Variants in NCKAP5 observed in about 807,000 individuals in gnomAD.
NCKAP5 encodes NCK associated protein 5.
NCKAP5 carries 92 observed loss-of-function variants against 167.0 expected under a neutral mutation model. That is an observed-to-expected ratio of 0.55 (90% confidence interval 0.47 to 0.66). The LOEUF is 0.66. NCKAP5 is among the 30% of genes least tolerant of loss of function. NCKAP5 has a pLI of 0.00. For synonymous variants in NCKAP5, 891 were observed against 877.4 expected (o/e 1.02, Z -0.27); for missense variants, 2,378 against 2,315.0 (o/e 1.03, Z -0.56).
chr2:133,495,703 G>A (rs77638066), intron 3 of NCKAP5, among the ~76,000 whole-genome samples: 2,651 of 152,266 alleles, frequency 0.017, 94 homozygotes, highest in African/African-American at 0.06. Context: ...GAGGGGGAAG[G>A]TGGAAGATTA....
intron 3 of NCKAP5, among the ~76,000 whole-genome samples, chr2:133,369,186 A>T (rs1685641410): frequency 6.6e-6 from 1 of 152,222 alleles, no homozygotes; most frequent in Non-Finnish European, 1.5e-5. Context: ...GGTGGGACAA[A>T]GGCACTTAAA....
chr2:133,350,770 C>T (rs1684306009), intron 3 of NCKAP5, among the ~76,000 whole-genome samples: 1 of 152,126 alleles, frequency 6.6e-6, no homozygotes, highest in South Asian at 2.1e-4. Flanking sequence ...CCCTGTGACA[C>T]AGACCCCCTT....
intron 7 of NCKAP5, among the ~76,000 whole-genome samples, chr2:132,992,155 A>C (rs750328122): frequency 3.3e-4 from 50 of 152,210 alleles, no homozygotes; most frequent in Non-Finnish European, 1.6e-4. Flanking sequence ...CCTGAGGCCA[A>C]TTAAAGGAAT....
Position 132,964,610 on chromosome 2 carries a change from A to T in NCKAP5, c.430-741T>A, listed in dbSNP as rs942145237. 3.3e-5 allele frequency among the ~76,000 whole-genome samples: 5 copies of T among 152,172 alleles called. No homozygotes were observed. The East Asian group carries it at 9.6e-4, about 29-fold the overall frequency. ...AGTATCAAGAGATTACCATATTAAA[A>T]AAAAAAGGATCCATTTTGTGCATGG... On this transcript the variant is annotated intron_variant, in intron 7 of 19. Coordinates refer to ENST00000409261, the MANE Select transcript of NCKAP5 (RefSeq NM_207363.3).
the NCKAP5 span, among the ~76,000 whole-genome samples, chr2:133,610,161 C>G: frequency 1.9e-4 from 29 of 152,094 alleles, no homozygotes; most frequent in African/African-American, 6.5e-4. Flanking sequence ...CATCTTTTTC[C>G]TCCTTAATAC....
At chr2:133,630,930 GA>G in the NCKAP5 span, among the ~76,000 whole-genome samples, 3 of 152,102 alleles carry the variant, frequency 2.0e-5, no homozygotes, top group Non-Finnish European at 4.4e-5. Flanking sequence ...GCTGAATTAT[GA>G]AAATGATCAT....
chr2:133,033,455 A>C (rs2078945349), intron 6 of NCKAP5, among the ~76,000 whole-genome samples: 1 of 152,158 alleles, frequency 6.6e-6, no homozygotes, highest in Non-Finnish European at 1.5e-5. Context: ...TCAGACATCA[A>C]AGAACACCTA....
intron 2 of NCKAP5, among the ~76,000 whole-genome samples, chr2:133,529,591 G>A (rs933529074): frequency 5.3e-5 from 8 of 152,190 alleles, no homozygotes; most frequent in Admixed American, 1.3e-4. Context: ...GATCTCAAAA[G>A]ATGGAATTAT....
intron 6 of NCKAP5, among the ~76,000 whole-genome samples, chr2:133,124,492 T>C (rs2082341524): frequency 6.6e-6 from 1 of 152,216 alleles, no homozygotes; most frequent in South Asian, 2.1e-4. Context: ...ATAAAATGTG[T>C]AGTATTACTG....
intron 5 of NCKAP5, among the ~76,000 whole-genome samples, chr2:133,135,177 A>G (rs2082744966): frequency 6.6e-6 from 1 of 152,226 alleles, no homozygotes; most frequent in African/African-American, 2.4e-5. Context: ...AAAGTGACGG[A>G]AACTGATTTT....
intron 11 of NCKAP5, among the ~76,000 whole-genome samples, chr2:132,803,243 G>A (rs1267936242): frequency 1.3e-5 from 2 of 152,156 alleles, no homozygotes; most frequent in East Asian, 1.9e-4. Flanking sequence ...TCACTTCAGT[G>A]TCTGAAATTT....
At chr2:133,314,806 G>C (rs1358444077) in intron 3 of NCKAP5, among the ~76,000 whole-genome samples, 1 of 152,154 alleles carries the variant, frequency 6.6e-6, no homozygotes, top group Non-Finnish European at 1.5e-5. Flanking sequence ...AAGTAGAGGG[G>C]TGGCATCAAC....
intron 10 of NCKAP5, among the ~76,000 whole-genome samples, chr2:132,867,180 C>T (rs1373421810): frequency 6.6e-6 from 1 of 151,840 alleles, no homozygotes; most frequent in Non-Finnish European, 1.5e-5. Flanking sequence ...TACCAAATGG[C>T]TTCCTTGTCT....
At chr2:133,171,299 C>A (rs2084239739) in intron 5 of NCKAP5, among the ~76,000 whole-genome samples, 1 of 152,172 alleles carries the variant, frequency 6.6e-6, no homozygotes, top group African/African-American at 2.4e-5. Flanking sequence ...TTTAATCCAG[C>A]AGAAATGTGA....
rs753115314 is a variant in NCKAP5 at position 132,782,036 on chromosome 2, TGTG to T, written c.4772_4774del (p.Pro1591del). The stretch of plus-strand genomic sequence containing the variant: ...AATCTTCAGTTGGTTGTAAATGTCT[TGTG>T]GTGTTCTCCGATTATTTTTGCTTTG... On this transcript the variant is annotated inframe_deletion, in exon 14 of 20. Transcript: ENST00000409261. 3.7e-6 allele frequency: 6 copies of T among 1,614,052 alleles called. No homozygotes were observed. The highest frequency in any genetic ancestry group is 5.1e-6 in the Non-Finnish European group (6 of 1,179,896).
intron 3 of NCKAP5, among the ~76,000 whole-genome samples, chr2:133,371,849 T>C (rs1489224075): frequency 6.6e-6 from 1 of 152,156 alleles, no homozygotes; most frequent in East Asian, 1.9e-4. Context: ...AAATTACTTG[T>C]CGCCATCCCA....
chr2:133,526,369 C>T (rs1334985033), intron 2 of NCKAP5, among the ~76,000 whole-genome samples: 1 of 148,830 alleles, frequency 6.7e-6, no homozygotes, highest in Non-Finnish European at 1.5e-5. Context: ...TTCAAGGAGA[C>T]CTAAAATGTA....
intron 10 of NCKAP5, among the ~76,000 whole-genome samples, chr2:132,861,014 G>T (rs1407401496): frequency 1.3e-5 from 2 of 152,060 alleles, no homozygotes; most frequent in African/African-American, 2.4e-5. Flanking sequence ...ATGAGCTAAA[G>T]AAACTATCAT....
At chr2:132,791,249 C>T (rs955090850) in intron 12 of NCKAP5, among the ~76,000 whole-genome samples, 5 of 152,180 alleles carry the variant, frequency 3.3e-5, no homozygotes, top group Admixed American at 1.3e-4. Flanking sequence ...ACAGCAGACA[C>T]GAAACTCAGG....
Sources: gnomAD v4.1 joint callset for allele counts (sites outside exome capture counted in the v4.1 genomes callset) on GRCh38, gnomAD v4.1.1 for gene constraint, MANE v1.5 for transcripts, NCBI Gene and HGNC (gene_info 2026-07-23, HGNC 2026-07-21) for gene names.